YME1L1: variants seen among roughly 807,000 people sequenced by gnomAD.
YME1L1 encodes the protein YME1 like 1 ATPase, also known as ATP-dependent zinc metalloprotease YME1L1.
A neutral mutation model predicts 90.4 loss-of-function variants in YME1L1; 39 were observed. That is an observed-to-expected ratio of 0.43 (90% CI 0.33 to 0.56). The LOEUF (loss-of-function observed/expected upper bound fraction) is 0.56, where lower values mean the gene tolerates loss of function less well. YME1L1 is among the 20% of genes least tolerant of loss of function. The probability of loss-of-function intolerance (pLI) is 0.03; values close to 1 mark genes in which losing one functional copy is unlikely to be tolerated. For synonymous variants in YME1L1, 284 were observed against 287.3 expected, an observed-to-expected ratio of 0.99 and a Z score of 0.12; for missense variants, 617 against 868.4, an observed-to-expected ratio of 0.71 and a Z score of 3.64.
In YME1L1 at chr10:27,110,670, G is replaced by A. The variant is rs904202810; in HGVS notation, c.*1307C>T. On this transcript the variant is annotated 3_prime_UTR_variant, in exon 19 of 19. Coordinates refer to ENST00000376016, the MANE Select transcript of YME1L1 (RefSeq NM_014263.4). The stretch of plus-strand genomic sequence containing the variant: ...GTAACACAAAGTTCACTTCGGAGGG[G>A]ACTGAGATTTTTGTTTAATTTTGCT... 3 of 152,150 alleles carry A rather than the reference G, an allele frequency of 2.0e-5. No homozygotes were observed. The highest frequency in any genetic ancestry group is 4.8e-5 in the African/African-American group (2 of 41,438). 9.4% of individuals were successfully genotyped at this position (152,150 alleles called of 1,614,324 possible). A position where few individuals can be genotyped will look rare whatever the true frequency, so the allele number is the denominator to read the frequency against.
chr10:27,152,422 G>T lies in YME1L1; in HGVS notation c.33+1756C>A, dbSNP rs12571529. Among the ~76,000 whole-genome samples, 3 of 152,252 alleles carry T rather than the reference G, an allele frequency of 2.0e-5. No individual in the cohort carries two copies. In the South Asian group the frequency reaches 6.2e-4, roughly 32 times the overall value. On this transcript the variant is annotated intron_variant, in intron 1 of 18. Transcript: ENST00000376016. ...ATCCTTCAAAGCAAGAAATGCCTGA[G>T]AGTCCTCACTATATTTGAGCCCTGT...
At chr10:27,136,205 C>G in intron 5 of YME1L1, 71 bp downstream of exon 5, 1 of 1,224,926 alleles carries the variant, frequency 8.2e-7, no homozygotes, top group Non-Finnish European at 1.2e-6. Flanking sequence ...CAAAAGAAAT[C>G]AGATATTGAA....
At chr10:27,133,162 T>G (rs1042344858) in intron 7 of YME1L1, among the ~76,000 whole-genome samples, 1 of 152,240 alleles carries the variant, frequency 6.6e-6, no homozygotes, top group Non-Finnish European at 1.5e-5. Context: ...ATTATACTTT[T>G]CATGTAGTCT....
intron 12 of YME1L1, among the ~76,000 whole-genome samples, chr10:27,120,895 A>T (rs769001189): frequency 2.0e-5 from 3 of 152,208 alleles, no homozygotes; most frequent in Non-Finnish European, 2.9e-5. Context: ...GTTAGACTAG[A>T]GTCTTAGGCA....
At chr10:27,128,125 T>C (rs553220272) in intron 8 of YME1L1, among the ~76,000 whole-genome samples, 1 of 152,310 alleles carries the variant, frequency 6.6e-6, no homozygotes, top group African/African-American at 2.4e-5. Context: ...AATCAAGTTA[T>C]TAAATGCCCT....
At chr10:27,114,688 T>C (rs2056793708) in intron 17 of YME1L1, 81 bp from the exon 18 acceptor site, 1 of 1,031,134 alleles carries the variant, frequency 9.7e-7, no homozygotes. Flanking sequence ...CTATCCTATA[T>C]ATAAGGAAAC....
intron 3 of YME1L1, among the ~76,000 whole-genome samples, chr10:27,143,047 G>A (rs1285596435): frequency 6.6e-6 from 1 of 151,442 alleles, no homozygotes; most frequent in African/African-American, 2.4e-5. Context: ...GCATACAAAT[G>A]TAGCTAATGA....
chr10:27,111,794 G>A lies in YME1L1; in HGVS notation c.*183C>T. On this transcript the variant is annotated 3_prime_UTR_variant, in exon 19 of 19. Coordinates refer to ENST00000376016, the MANE Select transcript of YME1L1 (RefSeq NM_014263.4). ...TATATTTGCCATGGGATGCTAATTT[G>A]CAATAGGTGTCATAATGAGAATAAC... The A allele has an allele frequency of 1.3e-6, 1 of 754,486 alleles. No homozygotes were observed. The highest frequency in any genetic ancestry group is 2.3e-6 in the Non-Finnish European group (1 of 433,900). The allele number at this position is 754,486 out of a possible 1,614,324, so 46.7% of individuals were successfully genotyped here. A position where few individuals can be genotyped will look rare whatever the true frequency, so the allele number is the denominator to read the frequency against.
intron 8 of YME1L1, among the ~76,000 whole-genome samples, chr10:27,130,717 G>C (rs901457595): frequency 2.6e-5 from 4 of 152,192 alleles, no homozygotes; most frequent in African/African-American, 9.7e-5. Flanking sequence ...GCTGGGCGTG[G>C]TGGCTCGTGC....
chr10:27,112,712 TC>T (rs1312016994), intron 18 of YME1L1, among the ~76,000 whole-genome samples: 4 of 152,006 alleles, frequency 2.6e-5, no homozygotes, highest in African/African-American at 9.7e-5. Flanking sequence ...ACTCTCTCTC[TC>T]TCTATTTTTT....
chr10:27,121,051 A>G (rs764547670), intron 12 of YME1L1, among the ~76,000 whole-genome samples: 5 of 152,222 alleles, frequency 3.3e-5, no homozygotes, highest in Non-Finnish European at 7.3e-5. Context: ...TAACAAATAA[A>G]TATTTTAAGT....
In YME1L1 at chr10:27,129,085, CAAAAAAAA is replaced by C. The variant is rs71523559; in HGVS notation, c.859-2307_859-2300del. 2.9e-3 allele frequency among the ~76,000 whole-genome samples: 142 copies of C among 48,514 alleles called. 2 individuals carry two copies. Among genetic ancestry groups the C allele is most frequent in the African/African-American group, 0.011 (140 of 13,308 alleles). 31.8% of individuals were successfully genotyped at this position (48,514 alleles called of 152,430 possible). A position where few individuals can be genotyped will look rare whatever the true frequency, so the allele number is the denominator to read the frequency against. On this transcript the variant is annotated intron_variant, in intron 8 of 18. Transcript: ENST00000376016. ...TGGGCAAGAGAGCAAGACCCTGTCT[CAAAAAAAA>C]AAAAAAAAAAAAAAAAAAAACTCTC...
chr10:27,136,488 T>C lies in YME1L1; in HGVS notation c.431-103A>G, dbSNP rs1169537769. The C allele has an allele frequency of 3.2e-6, 3 of 923,378 alleles. No homozygotes were observed. In the African/African-American group the frequency reaches 5.0e-5, roughly 16 times the overall value. The allele number at this position is 923,378 out of a possible 1,614,324, so 57.2% of individuals were successfully genotyped here. On this transcript the variant is annotated intron_variant, in intron 4 of 18. Transcript: ENST00000376016. ...CACCCTACCTGTATATCCTAGTCTATCTAATTTGCCTGACACTTCAATACG... is the reference window on the plus strand; with the variant it reads ...CACCCTACCTGTATATCCTAGTCTACCTAATTTGCCTGACACTTCAATACG...
At position 27,119,424 on chromosome 10, in the gene YME1L1, T is replaced by G. The variant is rs139939708; in HGVS notation, c.1437A>C (p.Arg479=). The G allele has an allele frequency of 3.8e-5, 61 of 1,611,344 alleles. No individual in the cohort carries two copies. In the African/African-American group the frequency reaches 7.9e-4, roughly 21 times the overall value. Residue 479 remains arginine, a synonymous_variant, in exon 14 of 19, where the codon CGA becomes CGC. Coordinates refer to ENST00000376016, the MANE Select transcript of YME1L1 (RefSeq NM_014263.4). ...DQSVDPEIIA[R]GTVGFSGAEL... is the part of the protein sequence containing the mutation. ...CTGCTCCGGAAAAGCCAACAGTACCTCGAGCTATAATTTCTGGATCAACGG... is the reference window on the plus strand; with the variant it reads ...CTGCTCCGGAAAAGCCAACAGTACCGCGAGCTATAATTTCTGGATCAACGG...
chr10:27,143,392 A>G (rs903159565), intron 3 of YME1L1, among the ~76,000 whole-genome samples: 3 of 151,494 alleles, frequency 2.0e-5, no homozygotes, highest in Admixed American at 6.6e-5. Flanking sequence ...AAACAAAACC[A>G]GTGATAAAAG....
At chr10:27,153,532 C>T (rs1289509074) in intron 1 of YME1L1, among the ~76,000 whole-genome samples, 1 of 152,142 alleles carries the variant, frequency 6.6e-6, no homozygotes, top group Non-Finnish European at 1.5e-5. Context: ...AGTGATTGCC[C>T]AAGAGCGTAA....
chr10:27,140,983 T>C (rs1351201405), intron 4 of YME1L1, among the ~76,000 whole-genome samples: 5 of 152,226 alleles, frequency 3.3e-5, no homozygotes, highest in African/African-American at 9.6e-5. Flanking sequence ...TCTTCTGCAT[T>C]AACTATTTCT....
intron 11 of YME1L1, among the ~76,000 whole-genome samples, chr10:27,122,190 C>T (rs2135852747): frequency 6.6e-6 from 1 of 152,198 alleles, no homozygotes; most frequent in South Asian, 2.1e-4. Flanking sequence ...AAATAACAGC[C>T]AAGAAAAGAA....
At chr10:27,135,820 C>T (rs939769223) in intron 5 of YME1L1, among the ~76,000 whole-genome samples, 7 of 152,142 alleles carry the variant, frequency 4.6e-5, no homozygotes, top group South Asian at 4.1e-4. Flanking sequence ...CTGGACTGAA[C>T]GCAGCAAGAC....
Sources: gnomAD v4.1 joint callset for allele counts (sites outside exome capture counted in the v4.1 genomes callset) on GRCh38, gnomAD v4.1.1 for gene constraint, MANE v1.5 for transcripts, NCBI Gene and HGNC (gene_info 2026-07-23, HGNC 2026-07-21) for gene names.